The following PRKN variants were observed in gnomAD, a reference collection of about 807,000 sequenced individuals.
PRKN encodes the protein parkin RBR E3 ubiquitin protein ligase.
Under a neutral mutation model 59.5 loss-of-function variants are expected in PRKN, and 56 were observed. The ratio of observed to expected loss-of-function variants is 0.94; its 90% confidence interval spans 0.76 to 1.18. PRKN has a LOEUF of 1.18. Ranked by LOEUF, PRKN falls within the 50% of genes most tolerant of loss-of-function variation. The pLI, the probability that PRKN is intolerant of heterozygous loss-of-function variation, is 0.00. For synonymous variants in PRKN, 250 were observed against 222.1 expected (o/e 1.13, Z -1.12); for missense variants, 657 against 596.4 (o/e 1.10, Z -1.06).
chr6:162,198,387 T>C (rs372531599), intron 4 of PRKN, among the ~76,000 whole-genome samples: 15 of 151,056 alleles, frequency 9.9e-5, no homozygotes, highest in East Asian at 4.0e-4. Flanking sequence ...TGCAGAGCAG[T>C]AGAGGTAGGG....
At chr6:161,610,720 G>A (rs563174507) in intron 7 of PRKN, among the ~76,000 whole-genome samples, 4 of 152,204 alleles carry the variant, frequency 2.6e-5, no homozygotes, top group African/African-American at 9.6e-5. Flanking sequence ...AGGATGTGGA[G>A]GAAGGTCTGG....
intron 10 of PRKN, among the ~76,000 whole-genome samples, chr6:161,380,767 C>T (rs998666939): frequency 9.2e-5 from 14 of 152,138 alleles, no homozygotes; most frequent in African/African-American, 3.1e-4. Context: ...AATGTTAATT[C>T]TCAACATTTA....
At chr6:162,042,876 G>A (rs1784117821) in intron 5 of PRKN, among the ~76,000 whole-genome samples, 1 of 152,118 alleles carries the variant, frequency 6.6e-6, no homozygotes, top group African/African-American at 2.4e-5. Flanking sequence ...TTCTTTGATT[G>A]TTAAAATAGT....
chr6:161,567,433 A>G (rs1780697491), intron 8 of PRKN, among the ~76,000 whole-genome samples: 1 of 152,096 alleles, frequency 6.6e-6, no homozygotes, highest in South Asian at 2.1e-4. Context: ...TGTATATAAT[A>G]TGGTTTTCTC....
At chr6:162,185,055 C>T (rs535854564) in intron 4 of PRKN, among the ~76,000 whole-genome samples, 74 of 152,178 alleles carry the variant, frequency 4.9e-4, no homozygotes, top group Non-Finnish European at 9.0e-4. Flanking sequence ...AAAGTGGCAT[C>T]GTTATGAAAC....
intron 5 of PRKN, among the ~76,000 whole-genome samples, chr6:162,026,598 A>G (rs1362763708): frequency 6.6e-6 from 1 of 152,234 alleles, no homozygotes; most frequent in African/African-American, 2.4e-5. Flanking sequence ...TATTACTTAG[A>G]AAAATGCTTT....
intron 6 of PRKN, among the ~76,000 whole-genome samples, chr6:161,938,087 T>C (rs889865722): frequency 4.6e-5 from 7 of 152,136 alleles, no homozygotes; most frequent in Admixed American, 6.5e-5. Flanking sequence ...ATAAAATAAA[T>C]TGGGCAATCT....
chr6:162,191,266 A>G (rs1368323213), intron 4 of PRKN, among the ~76,000 whole-genome samples: 1 of 152,180 alleles, frequency 6.6e-6, no homozygotes, highest in Non-Finnish European at 1.5e-5. Context: ...ACTAGGGGAT[A>G]AAATAGGACT....
chr6:161,932,125 A>C (rs1460004043), intron 6 of PRKN, among the ~76,000 whole-genome samples: 5 of 152,048 alleles, frequency 3.3e-5, no homozygotes, highest in Non-Finnish European at 7.4e-5. Context: ...TATTATAAAA[A>C]ATTCAGAAAT....
chr6:162,380,311 C>T (rs1187807265), intron 2 of PRKN, among the ~76,000 whole-genome samples: 4 of 151,056 alleles, frequency 2.6e-5, no homozygotes, highest in Non-Finnish European at 5.9e-5. Flanking sequence ...GTTCTGAATA[C>T]ATGGGTGTTG....
In PRKN at chr6:161,874,145, T is replaced by C. The variant is rs1794497861; in HGVS notation, c.735-88237A>G. Among the ~76,000 whole-genome samples, 7 of 50,910 alleles carry C rather than the reference T, an allele frequency of 1.4e-4. 1 individual carries two copies. Among genetic ancestry groups the C allele is most frequent in the African/African-American group, 7.5e-4 (7 of 9,286 alleles). 33.4% of individuals were successfully genotyped at this position (50,910 alleles called of 152,430 possible). Reference sequence around the variant, plus strand: ...TATATAATATATATTATATGTAAAATATAATATATATTATATATAATATAT... The same window carrying C: ...TATATAATATATATTATATGTAAAACATAATATATATTATATATAATATAT... On this transcript the variant is annotated intron_variant, in intron 6 of 11. Coordinates refer to ENST00000366898, the MANE Select transcript of PRKN (RefSeq NM_004562.3).
intron 2 of PRKN, among the ~76,000 whole-genome samples, chr6:162,439,737 G>C (rs1412138355): frequency 6.6e-6 from 1 of 152,010 alleles, no homozygotes; most frequent in East Asian, 1.9e-4. Context: ...TGAAAATCTT[G>C]ATGATCCACT....
chr6:162,033,032 G>T (rs929148341), intron 5 of PRKN, among the ~76,000 whole-genome samples: 1 of 152,094 alleles, frequency 6.6e-6, no homozygotes, highest in Non-Finnish European at 1.5e-5. Flanking sequence ...TTTATTCTTG[G>T]TTTAGAGAAT....
chr6:161,353,163 C>T lies in PRKN; in HGVS notation c.1286-2952G>A, dbSNP rs1413548333. On this transcript the variant is annotated intron_variant, in intron 11 of 11. Coordinates refer to ENST00000366898, the MANE Select transcript of PRKN (RefSeq NM_004562.3). This position sits in a 1 kb window ranked among gnomAD's most constrained non-coding sequence, Gnocchi z 4.8. ...CTTTTGTCATAATGTTGGGGCAATT[C>T]AGGCCTCAGAAACAGGCGCCAGAAA... Among the ~76,000 whole-genome samples, 1 of 152,112 alleles carries T rather than the reference C, an allele frequency of 6.6e-6. No homozygotes were observed. The highest frequency in any genetic ancestry group is 2.4e-5 in the African/African-American group (1 of 41,408).
chr6:162,600,467 C>T (rs985636820), intron 1 of PRKN, among the ~76,000 whole-genome samples: 1 of 152,174 alleles, frequency 6.6e-6, no homozygotes. Context: ...GACATACACA[C>T]TTACATCTCT....
intron 2 of PRKN, among the ~76,000 whole-genome samples, chr6:162,299,026 T>C (rs1781820036): frequency 1.3e-5 from 2 of 151,962 alleles, no homozygotes; most frequent in African/African-American, 4.8e-5. Context: ...AAAAGAGGAG[T>C]TGGCCTTGCT....
chr6:161,736,732 C>G (rs930034069), intron 7 of PRKN, among the ~76,000 whole-genome samples: 13 of 152,178 alleles, frequency 8.5e-5, no homozygotes, highest in Admixed American at 7.2e-4. Flanking sequence ...AGATATACAA[C>G]TTTCTGGGGG....
intron 1 of PRKN, among the ~76,000 whole-genome samples, chr6:162,666,508 A>G (rs1258622483): frequency 2.0e-5 from 3 of 152,106 alleles, no homozygotes; most frequent in Non-Finnish European, 4.4e-5. Flanking sequence ...GTCCTAGGAG[A>G]GCGAAATGTC....
intron 1 of PRKN, among the ~76,000 whole-genome samples, chr6:162,486,921 T>C (rs1414244118): frequency 2.0e-5 from 3 of 151,838 alleles, no homozygotes; most frequent in African/African-American, 4.8e-5. Context: ...AACACAAAAA[T>C]TAGCCGGGCG....
Sources: gnomAD v4.1 joint callset for allele counts (sites outside exome capture counted in the v4.1 genomes callset) on GRCh38, gnomAD v4.1.1 for gene constraint, Gnocchi (gnomAD v3.1) non-coding constraint, MANE v1.5 for transcripts, NCBI Gene and HGNC (gene_info 2026-07-23, HGNC 2026-07-21) for gene names.